The following AGPAT5 variants were observed in gnomAD, a reference collection of about 807,000 sequenced individuals.
AGPAT5 encodes 1-acylglycerol-3-phosphate O-acyltransferase 5.
Under a neutral mutation model 45.6 loss-of-function variants are expected in AGPAT5, and 46 were observed. The ratio of observed to expected loss-of-function variants is 1.01; its 90% confidence interval spans 0.80 to 1.29. The LOEUF (loss-of-function observed/expected upper bound fraction) is 1.29, where lower values mean the gene tolerates loss of function less well. Among genes scored for constraint, AGPAT5 ranks in the 50% most tolerant of loss-of-function variants. The pLI is 0.00. For missense variants in AGPAT5, 673 were observed against 450.7 expected (o/e 1.49, Z -4.47); for synonymous variants, 272 against 167.0 (o/e 1.63, Z -4.85).
At chr8:6,715,683 T>G (rs1177783654) in intron 1 of AGPAT5, among the ~76,000 whole-genome samples, 1 of 152,172 alleles carries the variant, frequency 6.6e-6, no homozygotes, top group East Asian at 1.9e-4. Flanking sequence ...GACCCCCTAC[T>G]TTCAAGGTAT....
rs1800020457 is a variant in AGPAT5, at chr8:6,708,697, A to T, written c.29A>T (p.Tyr10Phe). The T allele has an allele frequency of 6.2e-7, 1 of 1,603,912 alleles. No homozygotes were observed. Among genetic ancestry groups the T allele is most frequent in the Non-Finnish European group, 8.5e-7 (1 of 1,179,330 alleles). MLLSLVLHT[Y>F]SMRYLLPSVV... ...CTGCTGTCCCTGGTGCTCCACACGTACTCCATGCGCTACCTGCTGCCCAGC... is the reference window on the plus strand; with the variant it reads ...CTGCTGTCCCTGGTGCTCCACACGTTCTCCATGCGCTACCTGCTGCCCAGC... The change falls in exon 1 of 8, where the codon TAC (tyrosine) becomes TTC (phenylalanine). Residue 10 changes from tyrosine (Y) to phenylalanine (F), a missense_variant. Coordinates refer to ENST00000285518, the MANE Select transcript of AGPAT5 (RefSeq NM_018361.5).
At chr8:6,722,980 T>C (rs1330924761) in intron 1 of AGPAT5, among the ~76,000 whole-genome samples, 1 of 152,226 alleles carries the variant, frequency 6.6e-6, no homozygotes, top group Non-Finnish European at 1.5e-5. Context: ...TGCCTTATTT[T>C]GAAGTGACAA....
chr8:6,755,996 G>A (rs1310260713), intron 7 of AGPAT5, among the ~76,000 whole-genome samples: 2 of 152,134 alleles, frequency 1.3e-5, no homozygotes, highest in African/African-American at 2.4e-5. Context: ...AAAGACTAAT[G>A]TATTTAATGT....
chr8:6,755,105 A>G lies in AGPAT5; in HGVS notation c.800A>G (p.Lys267Arg), dbSNP rs1261758599. ...CATATTCACATTGATCGTATCGACA[A>G]AAAAGATGTCCCAGAAGAACAAGAA... ...KIHIHIDRID[K>R]KDVPEEQEHM... Residue 267 changes from lysine to arginine, a missense_variant, in exon 7 of 8, where the codon AAA (lysine) becomes AGA (arginine). Lys to Arg is a conservative substitution (Grantham distance 26). Coordinates refer to ENST00000285518, the MANE Select transcript of AGPAT5 (RefSeq NM_018361.5). 1 of 1,607,904 alleles carries G rather than the reference A, an allele frequency of 6.2e-7. No homozygotes were observed. The highest frequency in any genetic ancestry group is 1.3e-5 in the African/African-American group (1 of 74,700).
At chr8:6,744,856 T>G (rs1483811371) in intron 5 of AGPAT5, among the ~76,000 whole-genome samples, 2 of 152,220 alleles carry the variant, frequency 1.3e-5, no homozygotes, top group Non-Finnish European at 2.9e-5. Context: ...GCCCTGCCTT[T>G]CCTCAGCCCT....
In AGPAT5 at chr8:6,761,102, A is replaced by G. The variant is rs1802027743; in HGVS notation, c.*3714A>G. ...TTATTATAATATGTATACTATAATAATAGCTGGTTATCCTGAGCAGGGGAA... is the reference window on the plus strand; with the variant it reads ...TTATTATAATATGTATACTATAATAGTAGCTGGTTATCCTGAGCAGGGGAA... On this transcript the variant is annotated 3_prime_UTR_variant, in exon 8 of 8. Coordinates refer to ENST00000285518, the MANE Select transcript of AGPAT5 (RefSeq NM_018361.5). Among the ~76,000 whole-genome samples the G allele has an allele frequency of 6.6e-6, 1 of 152,240 alleles. No individual in the cohort carries two copies. The highest frequency in any genetic ancestry group is 2.1e-4 in the South Asian group (1 of 4,832).
At chr8:6,729,288 CTT>C (rs1385862483) in intron 2 of AGPAT5, among the ~76,000 whole-genome samples, 1 of 150,950 alleles carries the variant, frequency 6.6e-6, no homozygotes, top group Non-Finnish European at 1.5e-5. Flanking sequence ...AAACTGTCCT[CTT>C]TGGCTAAAAC....
chr8:6,744,722 G>A (rs1220572769), intron 5 of AGPAT5, among the ~76,000 whole-genome samples: 2 of 152,192 alleles, frequency 1.3e-5, no homozygotes, highest in South Asian at 2.1e-4. Flanking sequence ...CTCTAAACCT[G>A]TGTTTTTGGC....
At chr8:6,733,787 C>T (rs529761689) in intron 4 of AGPAT5, among the ~76,000 whole-genome samples, 1 of 152,266 alleles carries the variant, frequency 6.6e-6, no homozygotes, top group South Asian at 2.1e-4. Context: ...TCCAGTCACC[C>T]CAGCAATGGA....
intron 5 of AGPAT5, chr8:6,745,127 C>G (rs1801394186): frequency 6.5e-6 from 1 of 152,948 alleles, no homozygotes; most frequent in Admixed American, 6.5e-5. Context: ...ATTTCAAAAT[C>G]TTAATGTGGA....
At chr8:6,730,870 AATT>A (rs1563291746) in intron 3 of AGPAT5, 44 bp downstream of exon 3, 4 of 1,243,222 alleles carry the variant, frequency 3.2e-6, no homozygotes, top group Admixed American at 2.8e-5. Flanking sequence ...GTAGTTTATA[AATT>A]TTTTTTTTTT....
chr8:6,741,932 C>T lies in AGPAT5; in HGVS notation c.586+181C>T, dbSNP rs545985588. ...TTCTTCTCCTTAATTCACTTTCATG[C>T]TATTATTACATATATCTGAGAAATT... On this transcript the variant is annotated intron_variant, in intron 5 of 7. Transcript: ENST00000285518. Among the ~76,000 whole-genome samples the T allele has an allele frequency of 7.2e-5, 11 of 152,208 alleles. No individual in the cohort carries two copies. The East Asian group carries it at 2.1e-3, about 29-fold the overall frequency.
At chr8:6,719,705 C>G (rs1380633155) in intron 1 of AGPAT5, among the ~76,000 whole-genome samples, 1 of 152,168 alleles carries the variant, frequency 6.6e-6, no homozygotes, top group African/African-American at 2.4e-5. Context: ...CTGTTGGAAC[C>G]AAATTCATTA....
At chr8:6,739,041 C>A (rs969956084) in intron 4 of AGPAT5, among the ~76,000 whole-genome samples, 1 of 151,916 alleles carries the variant, frequency 6.6e-6, no homozygotes, top group African/African-American at 2.4e-5. Flanking sequence ...AGGTAACCAT[C>A]ACTATAGAAA....
intron 4 of AGPAT5, among the ~76,000 whole-genome samples, chr8:6,735,503 A>G (rs1406617318): frequency 6.6e-6 from 1 of 152,240 alleles, no homozygotes; most frequent in Non-Finnish European, 1.5e-5. Context: ...AATTGTTAAA[A>G]TTTTTAGCTA....
At position 6,757,501 on chromosome 8, in the gene AGPAT5, G is replaced by C. The variant is rs1341855045; in HGVS notation, c.*113G>C. On this transcript the variant is annotated 3_prime_UTR_variant, in exon 8 of 8. Transcript: ENST00000285518. ...TAAGGAGTGTAAATAAAGCCTTGTT[G>C]ATTGAAGATTGGATAATAGAATTTG... 1.3e-6 allele frequency: 1 copy of C among 796,226 alleles called. No homozygotes were observed. The highest frequency in any genetic ancestry group is 1.7e-5 in the African/African-American group (1 of 58,086). 49.3% of individuals were successfully genotyped at this position (796,226 alleles called of 1,614,324 possible).
chr8:6,718,321 C>G (rs1800398420), intron 1 of AGPAT5, among the ~76,000 whole-genome samples: 1 of 152,220 alleles, frequency 6.6e-6, no homozygotes, highest in South Asian at 2.1e-4. Flanking sequence ...CTCCCCGTCA[C>G]TGCCTGGCTT....
chr8:6,737,791 A>G (rs1456401155), intron 4 of AGPAT5, among the ~76,000 whole-genome samples: 1 of 152,202 alleles, frequency 6.6e-6, no homozygotes, highest in African/African-American at 2.4e-5. Context: ...GATTTTCTGG[A>G]TAACTTGCTA....
intron 6 of AGPAT5, among the ~76,000 whole-genome samples, chr8:6,749,069 C>T (rs1230854258): frequency 6.6e-6 from 1 of 152,244 alleles, no homozygotes; most frequent in Non-Finnish European, 1.5e-5. Flanking sequence ...AGACGTAGTA[C>T]TGTGCACCGT....
Sources: allele counts gnomAD v4.1 joint callset (sites outside exome capture counted in the v4.1 genomes callset), GRCh38; gene constraint gnomAD v4.1.1; transcripts MANE v1.5; gene names NCBI Gene and HGNC (gene_info 2026-07-23, HGNC 2026-07-21).